VSIR: variants seen among roughly 807,000 people sequenced by gnomAD.
VSIR encodes the protein V-type immunoglobulin domain-containing suppressor of T-cell activation.
Under a neutral mutation model 31.0 loss-of-function variants are expected in VSIR, and 10 were observed. That is an observed-to-expected ratio of 0.32 (90% CI 0.20 to 0.55). VSIR has a LOEUF of 0.55. Among genes scored for constraint, VSIR ranks in the 20% least tolerant of loss-of-function variants. The probability of loss-of-function intolerance (pLI) is 0.93; values close to 1 mark genes in which losing one functional copy is unlikely to be tolerated. For synonymous variants in VSIR, 179 were observed against 180.1 expected (o/e 0.99, Z 0.05); for missense variants, 356 against 416.2 (o/e 0.86, Z 1.26).
chr10:71,769,620 C>T (rs1380554090), intron 1 of VSIR, among the ~76,000 whole-genome samples: 2 of 152,252 alleles, frequency 1.3e-5, no homozygotes, highest in African/African-American at 2.4e-5. Flanking sequence ...ACTGAGACCA[C>T]GTCACCCAAC....
chr10:71,752,831 A>T (rs1404236288), intron 5 of VSIR, 144 bp downstream of exon 5: 18 of 980,728 alleles, frequency 1.8e-5, no homozygotes, highest in Non-Finnish European at 2.7e-5. Flanking sequence ...ATCTGCACAG[A>T]TGTGCAGGCT....
chr10:71,759,818 TATACACACACACACACAC>T (rs1840252049), intron 3 of VSIR, among the ~76,000 whole-genome samples: 1 of 50,790 alleles, frequency 2.0e-5, no homozygotes, highest in Non-Finnish European at 4.3e-5. Flanking sequence ...TTTCAGAAAA[TATACACACACACACACAC>T]ACACACACAC....
At chr10:71,770,507 T>C (rs1840662089) in intron 1 of VSIR, among the ~76,000 whole-genome samples, 3 of 152,200 alleles carry the variant, frequency 2.0e-5, no homozygotes, top group Non-Finnish European at 4.4e-5. Flanking sequence ...GCTAAGGGCA[T>C]CTGTGGGGCC....
chr10:71,759,600 A>T (rs1395921314), intron 3 of VSIR, among the ~76,000 whole-genome samples: 1 of 151,698 alleles, frequency 6.6e-6, no homozygotes, highest in African/African-American at 2.4e-5. Context: ...ATTTGTCAGT[A>T]GTTTGAGACC....
chr10:71,759,844 CACATATACACACACACACACATATATAT>C (rs1840258535), intron 3 of VSIR, among the ~76,000 whole-genome samples: 2 of 24,918 alleles, frequency 8.0e-5, no homozygotes, highest in Admixed American at 4.5e-4. Context: ...CACACACACA[CACATATACACACACACACACATATATAT>C]ACACACACAC....
At position 71,751,542 on chromosome 10, in the gene VSIR, C is replaced by A; in HGVS notation, c.898+126G>T. ...TGAATGGGGGCCCCTCTGTCCCTCA[C>A]CCTCAACCCCACCCCGTGAGGCCGT... On this transcript the variant is annotated intron_variant, in intron 6 of 6. Coordinates refer to ENST00000394957, the MANE Select transcript of VSIR (RefSeq NM_022153.2). This position sits in a 1 kb window ranked among gnomAD's most constrained non-coding sequence, Gnocchi z 4.9. The A allele has an allele frequency of 1.1e-6, 1 of 935,540 alleles. No individual in the cohort carries two copies. The highest frequency in any genetic ancestry group is 1.9e-5 in the South Asian group (1 of 52,434). The allele number at this position is 935,540 out of a possible 1,614,324, so 58.0% of individuals were successfully genotyped here.
Position 71,762,043 on chromosome 10 carries a change from G to C in VSIR, c.83-17C>G. 1 of 1,577,448 alleles carries C rather than the reference G, an allele frequency of 6.3e-7. No individual in the cohort carries two copies. The highest frequency in any genetic ancestry group is 1.2e-5 in the South Asian group (1 of 85,288). Reference sequence around the variant, plus strand: ...CCACCGGACCTGCTCAGAGAGAGGAGAGCCCTGTCACCTGACTGATCCAGT... The same window carrying C: ...CCACCGGACCTGCTCAGAGAGAGGACAGCCCTGTCACCTGACTGATCCAGT... On this transcript the variant is annotated splice_polypyrimidine_tract_variant and intron_variant, in intron 1 of 6. Transcript: ENST00000394957.
chr10:71,756,286 C>T lies in VSIR; in HGVS notation c.569-820G>A, dbSNP rs1437487479. The stretch of plus-strand genomic sequence containing the variant: ...TTATATTCCCTGCAAATACAGCAGA[C>T]GCAGCATCATATGACAATGCTTTTC... On this transcript the variant is annotated intron_variant, in intron 3 of 6. Coordinates refer to ENST00000394957, the MANE Select transcript of VSIR (RefSeq NM_022153.2). Among the ~76,000 whole-genome samples, 4 of 152,200 alleles carry T rather than the reference C, an allele frequency of 2.6e-5. 1 individual carries two copies. The highest frequency in any genetic ancestry group is 4.1e-4 in the South Asian group (2 of 4,832).
chr10:71,755,464 T>C lies in VSIR; in HGVS notation c.571A>G (p.Ile191Val), dbSNP rs114058651. 3,623 of 1,610,288 alleles carry C rather than the reference T, an allele frequency of 2.2e-3. 75 individuals are homozygous for C. The African/African-American group carries it at 0.042, about 19-fold the overall frequency. Residue 191 changes from isoleucine (I) to valine (V), a missense_variant and splice_region_variant, in exon 4 of 7, where the codon ATC (isoleucine) becomes GTC (valine). By Grantham distance (29) the Ile-to-Val change is conservative. Coordinates refer to ENST00000394957, the MANE Select transcript of VSIR (RefSeq NM_022153.2). ...CCCGTAGCCAGGGCTGCAGCCGTGA[T>C]GTCTGAAAGGGCAGAGAGGTAGCCA... The part of the protein sequence containing the change: ...YPSSSQDSEN[I>V]TAAALATGAC...
chr10:71,752,625 G>T (rs762707156), intron 5 of VSIR, among the ~76,000 whole-genome samples: 6 of 152,200 alleles, frequency 3.9e-5, no homozygotes, highest in Non-Finnish European at 7.3e-5. Flanking sequence ...GCGGGCAGGA[G>T]GCACAGCTCA....
At chr10:71,753,978 G>T in intron 4 of VSIR, 1 of 431,488 alleles carries the variant, frequency 2.3e-6, no homozygotes, top group Non-Finnish European at 4.7e-6. Context: ...GGGAAACTGA[G>T]GCTCAGTCCA....
At position 71,748,253 on chromosome 10, in the gene VSIR, C is replaced by T. The variant is rs143793696; in HGVS notation, c.*3000G>A. On this transcript the variant is annotated 3_prime_UTR_variant, in exon 7 of 7. Transcript: ENST00000394957. ...CCCCTGAAAAAGGCCATGTATCAGCCCCTCTGCCCTGGGCCACTGCATGTA... is the reference window on the plus strand; with the variant it reads ...CCCCTGAAAAAGGCCATGTATCAGCTCCTCTGCCCTGGGCCACTGCATGTA... The T allele has an allele frequency of 3.0e-3, 464 of 152,588 alleles. 1 individual carries two copies. The highest frequency in any genetic ancestry group is 5.5e-3 in the Non-Finnish European group (375 of 68,240). 9.5% of individuals were successfully genotyped at this position (152,588 alleles called of 1,614,324 possible). A position where few individuals can be genotyped will look rare whatever the true frequency, so the allele number is the denominator to read the frequency against.
rs551980223 is a variant in VSIR, at chr10:71,751,903, A to G, written c.705-42T>C. The G allele has an allele frequency of 9.8e-6, 15 of 1,535,060 alleles. No individual in the cohort carries two copies. In the African/African-American group the frequency reaches 1.8e-4, roughly 18 times the overall value. On this transcript the variant is annotated intron_variant, in intron 5 of 6. Coordinates refer to ENST00000394957, the MANE Select transcript of VSIR (RefSeq NM_022153.2). This position sits in a 1 kb window ranked among gnomAD's most constrained non-coding sequence, Gnocchi z 4.9. ...ATGGAAGGTCATCTGTGCTGTCCGG[A>G]GCGTGAACTCTGCCCTCCCTGCCCC...
chr10:71,755,804 G>A (rs935888597), intron 3 of VSIR, among the ~76,000 whole-genome samples: 2 of 152,176 alleles, frequency 1.3e-5, no homozygotes, highest in African/African-American at 4.8e-5. Context: ...TCTCTGAAAA[G>A]GGAGAGCAGG....
intron 1 of VSIR, among the ~76,000 whole-genome samples, chr10:71,766,343 A>C (rs553003513): frequency 6.6e-6 from 1 of 152,090 alleles, no homozygotes; most frequent in Non-Finnish European, 1.5e-5. Context: ...TGCTGCTGTC[A>C]AGACCCAGGC....
Position 71,759,872 on chromosome 10 carries a change from T to TACACACACACACATATATAC in VSIR, c.568+995_568+996insGTATATATGTGTGTGTGTGT, listed in dbSNP as rs1564779199. ...ATATACACACACACACACATATATA[T>TACACACACACACATATATAC]ACACACACACACATATACACACACA... On this transcript the variant is annotated intron_variant, in intron 3 of 6. Transcript: ENST00000394957. Among the ~76,000 whole-genome samples, 4 of 34,866 alleles carry TACACACACACACATATATAC rather than the reference T, an allele frequency of 1.1e-4. 1 individual carries two copies. Among genetic ancestry groups the TACACACACACACATATATAC allele is most frequent in the East Asian group, 1.7e-3 (2 of 1,208 alleles). The allele number at this position is 34,866 out of a possible 152,430, so 22.9% of individuals were successfully genotyped here. A position where few individuals can be genotyped will look rare whatever the true frequency, so the allele number is the denominator to read the frequency against.
In VSIR at chr10:71,750,993, T is replaced by C; in HGVS notation, c.*260A>G. On this transcript the variant is annotated 3_prime_UTR_variant, in exon 7 of 7. Transcript: ENST00000394957. The stretch of plus-strand genomic sequence containing the variant: ...CTTAAGATGTAAGTCATTTGGCATC[T>C]GTAGCTGGTGAATTTCAGGTCTCTA... 1 of 453,558 alleles carries C rather than the reference T, an allele frequency of 2.2e-6. No homozygotes were observed. Among genetic ancestry groups the C allele is most frequent in the Non-Finnish European group, 3.9e-6 (1 of 253,564 alleles). 28.1% of individuals were successfully genotyped at this position (453,558 alleles called of 1,614,324 possible).
rs374241202 is a variant in VSIR, at chr10:71,772,920, C to T, written c.82+438G>A. On this transcript the variant is annotated intron_variant, in intron 1 of 6. Transcript: ENST00000394957. The stretch of plus-strand genomic sequence containing the variant: ...CATGGGGCACTGGCTGAGCATACCA[C>T]GCCCTCTGTGTCCTCTGCAACACTA... 1.2e-3 allele frequency among the ~76,000 whole-genome samples: 179 copies of T among 152,330 alleles called. No individual in the cohort carries two copies. The South Asian group carries it at 0.018, about 15-fold the overall frequency.
chr10:71,751,172 G>C lies in VSIR; in HGVS notation c.*81C>G, dbSNP rs956478003. 3.4e-6 allele frequency: 5 copies of C among 1,491,472 alleles called. 1 individual carries two copies. In the African/African-American group the frequency reaches 7.0e-5, roughly 21 times the overall value. The allele number at this position is 1,491,472 out of a possible 1,614,324, so 92.4% of individuals were successfully genotyped here. ...GGAGGGAACCAGGGCCGAGGCCAAG[G>C]AGGCCACTCACAGAGCCAGCCCTGG... On this transcript the variant is annotated 3_prime_UTR_variant, in exon 7 of 7. Transcript: ENST00000394957. The surrounding 1 kb of genome is among the most constrained non-coding windows in gnomAD (Gnocchi z 4.9).
Sources: allele counts gnomAD v4.1 joint callset (sites outside exome capture counted in the v4.1 genomes callset), GRCh38; gene constraint gnomAD v4.1.1; non-coding constraint Gnocchi (gnomAD v3.1); transcripts MANE v1.5; gene names NCBI Gene and HGNC (gene_info 2026-07-23, HGNC 2026-07-21).